WDR27: variants seen among roughly 807,000 people sequenced by gnomAD.
The protein encoded by WDR27 is WD repeat-containing protein 27.
A neutral mutation model predicts 114.4 loss-of-function variants in WDR27; 100 were observed. The ratio of observed to expected loss-of-function variants is 0.87; its 90% CI spans 0.74 to 1.03. WDR27 has a LOEUF of 1.03. WDR27 is among the 50% of genes least tolerant of loss of function. The pLI, the probability that WDR27 is intolerant of heterozygous loss-of-function variation, is 0.00. For missense variants in WDR27, 1,129 were observed against 1,092.9 expected (o/e 1.03, Z -0.47); for synonymous variants, 449 against 423.1 (o/e 1.06, Z -0.75).
intron 1 of WDR27, among the ~76,000 whole-genome samples, chr6:169,690,565 C>A (rs1051479342): frequency 4.7e-4 from 72 of 152,196 alleles, no homozygotes; most frequent in Non-Finnish European, 1.5e-4. Flanking sequence ...CCATCCACCT[C>A]CTTCCCAGCA....
chr6:169,639,023 G>A (rs1818456903), intron 17 of WDR27, among the ~76,000 whole-genome samples: 1 of 130,030 alleles, frequency 7.7e-6, no homozygotes, highest in South Asian at 3.9e-4. Flanking sequence ...ATACTGCGTG[G>A]TGCTGGGTAC....
chr6:169,657,382 G>GGACTGAC (rs1170418687), intron 13 of WDR27, among the ~76,000 whole-genome samples: 6 of 152,226 alleles, frequency 3.9e-5, no homozygotes, highest in Admixed American at 1.3e-4. Flanking sequence ...GTCTGAGGAC[G>GGACTGAC]GACTGACGCA....
intron 25 of WDR27, among the ~76,000 whole-genome samples, chr6:169,460,408 T>C (rs1784772196): frequency 6.6e-6 from 1 of 152,106 alleles, no homozygotes; most frequent in South Asian, 2.1e-4. Flanking sequence ...GTAATTCCCA[T>C]GGTAGCCACA....
At chr6:169,631,006 G>T (rs1816214655) in intron 21 of WDR27, among the ~76,000 whole-genome samples, 1 of 152,190 alleles carries the variant, frequency 6.6e-6, no homozygotes, top group Admixed American at 6.5e-5. Context: ...AGTAGTATCA[G>T]ATCATGGCTC....
chr6:169,613,486 G>A, intron 22 of WDR27, 73 bp downstream of exon 22: 1 of 1,243,106 alleles, frequency 8.0e-7, no homozygotes, highest in Non-Finnish European at 1.2e-6. Flanking sequence ...ATCACATTCG[G>A]AAAAGAGATC....
the WDR27 span, among the ~76,000 whole-genome samples, chr6:169,438,236 C>CTTTTTTTT: frequency 9.5e-6 from 1 of 105,454 alleles, no homozygotes; most frequent in Non-Finnish European, 1.9e-5. Context: ...TTTACTTTTT[C>CTTTTTTTT]TTTTTTTTTT....
intron 21 of WDR27, 71 bp downstream of exon 21, chr6:169,632,876 C>G: frequency 7.2e-7 from 1 of 1,381,434 alleles, no homozygotes; most frequent in Non-Finnish European, 9.7e-7. Flanking sequence ...TGGCATCATA[C>G]ATTTGTATCT....
intron 25 of WDR27, among the ~76,000 whole-genome samples, chr6:169,522,384 A>C: frequency 6.6e-6 from 1 of 152,070 alleles, no homozygotes; most frequent in Non-Finnish European, 1.5e-5. Context: ...AGGGAACTTC[A>C]ATACCCCATT....
At chr6:169,466,917 A>C (rs947680466) in intron 25 of WDR27, among the ~76,000 whole-genome samples, 1 of 152,224 alleles carries the variant, frequency 6.6e-6, no homozygotes, top group African/African-American at 2.4e-5. Context: ...CCTTTGACCT[A>C]TGAGACTGTA....
chr6:169,479,131 G>C (rs1787592458), intron 25 of WDR27, among the ~76,000 whole-genome samples: 1 of 152,074 alleles, frequency 6.6e-6, no homozygotes, highest in Admixed American at 6.6e-5. Flanking sequence ...ACAATCTTTT[G>C]CCAGATGAAA....
chr6:169,508,219 A>C (rs1464350699), intron 25 of WDR27, among the ~76,000 whole-genome samples: 6 of 152,242 alleles, frequency 3.9e-5, no homozygotes, highest in Admixed American at 1.3e-4. Flanking sequence ...AAAAAAACTT[A>C]AAACAGAACA....
At chr6:169,672,862 A>T in intron 2 of WDR27, among the ~76,000 whole-genome samples, 1 of 152,332 alleles carries the variant, frequency 6.6e-6, no homozygotes, top group East Asian at 1.9e-4. Context: ...TGGCAACTAC[A>T]CAAGGAATGT....
intron 23 of WDR27, among the ~76,000 whole-genome samples, chr6:169,598,220 C>T (rs1807227247): frequency 6.6e-6 from 1 of 152,182 alleles, no homozygotes; most frequent in African/African-American, 2.4e-5. Context: ...TTAGGGTGGG[C>T]TGTAAATCCA....
chr6:169,507,234 T>C (rs980863731), intron 25 of WDR27, among the ~76,000 whole-genome samples: 1 of 152,212 alleles, frequency 6.6e-6, no homozygotes, highest in Non-Finnish European at 1.5e-5. Context: ...CTGCCTTTTT[T>C]CCCCCTTTCC....
At chr6:169,512,816 A>G (rs1562516482) in intron 25 of WDR27, among the ~76,000 whole-genome samples, 1 of 152,238 alleles carries the variant, frequency 6.6e-6, no homozygotes, top group African/African-American at 2.4e-5. Flanking sequence ...AAAATAGTTC[A>G]TGGCTAGTAG....
At chr6:169,514,898 T>G (rs1413579882) in intron 25 of WDR27, among the ~76,000 whole-genome samples, 2 of 151,740 alleles carry the variant, frequency 1.3e-5, no homozygotes, top group African/African-American at 4.8e-5. Context: ...ATAATTACTT[T>G]TTATTTTATT....
the WDR27 span, among the ~76,000 whole-genome samples, chr6:169,429,047 C>T: frequency 6.6e-6 from 1 of 152,164 alleles, no homozygotes; most frequent in Admixed American, 6.5e-5. Context: ...ATCATTGGTC[C>T]CAAGAAATGA....
chr6:169,584,717 T>C (rs1405294841), intron 23 of WDR27, among the ~76,000 whole-genome samples: 3 of 152,252 alleles, frequency 2.0e-5, no homozygotes, highest in Non-Finnish European at 4.4e-5. Context: ...TGGAGAAATG[T>C]CTATCCAGGT....
At chr6:169,675,437 G>C (rs888319058) in intron 2 of WDR27, among the ~76,000 whole-genome samples, 2 of 152,132 alleles carry the variant, frequency 1.3e-5, no homozygotes, top group African/African-American at 4.8e-5. Context: ...GTCGAACTTT[G>C]TAAAATATTT....
Sources: gnomAD v4.1 joint callset for allele counts (sites outside exome capture counted in the v4.1 genomes callset) on GRCh38, gnomAD v4.1.1 for gene constraint, MANE v1.5 for transcripts, NCBI Gene and HGNC (gene_info 2026-07-23, HGNC 2026-07-21) for gene names.